The following ZFHX4 variants were observed in gnomAD, a reference collection of about 807,000 sequenced individuals.
ZFHX4 encodes zinc finger homeobox protein 4.
In ZFHX4, 56 loss-of-function variants were observed where a neutral mutation model predicts 267.6. That is an observed-to-expected ratio of 0.21 (90% CI 0.17 to 0.26). The LOEUF is 0.26. Among genes scored for constraint, ZFHX4 ranks in the 10% least tolerant of loss-of-function variants. The probability of loss-of-function intolerance (pLI) is 1.00; values close to 1 mark genes in which losing one functional copy is unlikely to be tolerated. For missense variants in ZFHX4, 4,332 were observed against 4,420.0 expected (o/e 0.98, Z 0.56); for synonymous variants, 1,778 against 1,665.6 (o/e 1.07, Z -1.64).
chr8:76,844,919 T>C (rs1812328241), intron 6 of ZFHX4, among the ~76,000 whole-genome samples: 1 of 152,156 alleles, frequency 6.6e-6, no homozygotes, highest in Admixed American at 6.6e-5. Context: ...TATTATTACA[T>C]GGATTTTCTC....
intron 4 of ZFHX4, among the ~76,000 whole-genome samples, chr8:76,807,010 T>C (rs2131837561): frequency 6.6e-6 from 1 of 152,250 alleles, no homozygotes; most frequent in South Asian, 2.1e-4. Context: ...ACAGGCATCC[T>C]TTGCCACTTG....
chr8:76,854,123 A>C lies in ZFHX4; in HGVS notation c.7202A>C (p.Lys2401Thr), dbSNP rs1199699763. Reference sequence around the variant, plus strand: ...CCATCACCCAAACCAGAACCTGAGAAGACTTCTCCAAAACCTGAATATCCC... The same window carrying C: ...CCATCACCCAAACCAGAACCTGAGACGACTTCTCCAAAACCTGAATATCCC... ...LIPSPKPEPE[K>T]TSPKPEYPAE... The change falls in exon 10 of 11, where the codon AAG becomes ACG. Residue 2401 changes from lysine (K) to threonine (T), a missense_variant. Coordinates refer to ENST00000651372, the MANE Select transcript of ZFHX4 (RefSeq NM_024721.5). The C allele has an allele frequency of 1.9e-6, 3 of 1,613,408 alleles. No individual in the cohort carries two copies. The highest frequency in any genetic ancestry group is 2.7e-5 in the African/African-American group (2 of 74,886).
intron 4 of ZFHX4, among the ~76,000 whole-genome samples, chr8:76,824,168 G>T (rs529513380): frequency 6.6e-6 from 1 of 152,188 alleles, no homozygotes; most frequent in African/African-American, 2.4e-5. Context: ...ATTTCCTATT[G>T]AACACTGCCT....
chr8:76,681,825 GC>G (rs990289112), intron 1 of ZFHX4, among the ~76,000 whole-genome samples: 1 of 151,740 alleles, frequency 6.6e-6, no homozygotes, highest in Non-Finnish European at 1.5e-5. Flanking sequence ...CTTCCGCTCT[GC>G]CCCCCTTTTC....
Position 76,742,920 on chromosome 8 carries a change from G to A in ZFHX4, c.3093+34872G>A, listed in dbSNP as rs16939348. On this transcript the variant is annotated intron_variant, in intron 3 of 10. Coordinates refer to ENST00000651372, the MANE Select transcript of ZFHX4 (RefSeq NM_024721.5). ...GCCACTTTTTATTTCCATTCTCTGT[G>A]TCCTATAATTCTTGTTAGATAATTT... Among the ~76,000 whole-genome samples the A allele has an allele frequency of 8.4e-3, 1,280 of 152,026 alleles. 38 individuals are homozygous for A. The highest frequency in any genetic ancestry group is 0.059 in the Admixed American group (901 of 15,274).
chr8:76,821,011 A>G (rs1327818834), intron 4 of ZFHX4, among the ~76,000 whole-genome samples: 1 of 152,046 alleles, frequency 6.6e-6, no homozygotes, highest in African/African-American at 2.4e-5. Context: ...CTACTCTGCC[A>G]ACTCTCCTCC....
intron 3 of ZFHX4, among the ~76,000 whole-genome samples, chr8:76,735,900 G>C (rs1809146599): frequency 6.6e-6 from 1 of 151,956 alleles, no homozygotes; most frequent in Non-Finnish European, 1.5e-5. Flanking sequence ...TGTAATTTTA[G>C]GGATTAGGAT....
intron 3 of ZFHX4, among the ~76,000 whole-genome samples, chr8:76,761,954 C>T (rs1809925212): frequency 6.6e-6 from 1 of 152,108 alleles, no homozygotes; most frequent in South Asian, 2.1e-4. Flanking sequence ...GTTGAATACT[C>T]TAAAAATTGA....
chr8:76,864,366 C>T lies in ZFHX4; in HGVS notation c.10652C>T (p.Pro3551Leu). The T allele has an allele frequency of 6.2e-7, 1 of 1,613,802 alleles. No homozygotes were observed. The highest frequency in any genetic ancestry group is 8.5e-7 in the Non-Finnish European group (1 of 1,179,860). Residue 3551 changes from proline to leucine, a missense_variant, in exon 11 of 11, where the codon CCT (proline) becomes CTT (leucine). By Grantham distance (98) the Pro-to-Leu change is moderately conservative. Around this residue, in one of 7 missense-constraint regions of ZFHX4, gnomAD observed 1,648 missense variants for 1,625.0 expected, o/e 1.01. Coordinates refer to ENST00000651372, the MANE Select transcript of ZFHX4 (RefSeq NM_024721.5). ...TCTTCTCCTCCTTCCCTTTCCTTGC[C>T]TTCAACGGTTACCTCAAGTTTGTGC... ...PPSSPPSLSLPSTVTSSLCST... is the reference protein window; with the variant it reads ...PPSSPPSLSLLSTVTSSLCST...
Position 76,855,491 on chromosome 8 carries a change from C to A in ZFHX4, c.8570C>A (p.Thr2857Lys). The change falls in exon 10 of 11, where the codon ACG becomes AAG. Residue 2857 changes from threonine to lysine, a missense_variant. Around this residue, in one of 7 missense-constraint regions of ZFHX4, gnomAD observed 1,648 missense variants for 1,625.0 expected, o/e 1.01. Coordinates refer to ENST00000651372, the MANE Select transcript of ZFHX4 (RefSeq NM_024721.5). ...CCAAAACCTGCAACCACACCTACCACGGAGGTCTGCGATGACAAATTTCTC... is the reference window on the plus strand; with the variant it reads ...CCAAAACCTGCAACCACACCTACCAAGGAGGTCTGCGATGACAAATTTCTC... ...TLPKPATTPT[T>K]EVCDDKFLFS... The A allele has an allele frequency of 6.2e-7, 1 of 1,613,840 alleles. No individual in the cohort carries two copies. Among genetic ancestry groups the A allele is most frequent in the Non-Finnish European group, 8.5e-7 (1 of 1,179,870 alleles).
chr8:76,849,218 A>AAATGTATGTAGACATTGCAATTGGC (rs1563556556), intron 7 of ZFHX4, 90 bp downstream of exon 7: 1 of 1,393,656 alleles, frequency 7.2e-7, no homozygotes, highest in Non-Finnish European at 9.6e-7. Context: ...CATGCTGTTG[A>AAATGTATGTAGACATTGCAATTGGC]AATGTATGTA....
At chr8:76,830,274 G>A (rs1316391404) in intron 4 of ZFHX4, among the ~76,000 whole-genome samples, 1 of 152,164 alleles carries the variant, frequency 6.6e-6, no homozygotes, top group Non-Finnish European at 1.5e-5. Context: ...TTTCAAATGT[G>A]TGATTATCAC....
intron 3 of ZFHX4, among the ~76,000 whole-genome samples, chr8:76,757,505 A>G (rs550246140): frequency 6.6e-6 from 1 of 152,280 alleles, no homozygotes; most frequent in African/African-American, 2.4e-5. Flanking sequence ...TTTAAGATGA[A>G]GTTGGGAGTG....
rs961753666 is a variant in ZFHX4, at chr8:76,856,172, T to C, written c.9251T>C (p.Met3084Thr). 2 of 1,613,872 alleles carry C rather than the reference T, an allele frequency of 1.2e-6. No homozygotes were observed. The highest frequency in any genetic ancestry group is 1.7e-5 in the Admixed American group (1 of 60,008). ...LGLTVQQPGM[M>T]DSSSLHGISL... is the part of the protein sequence containing the mutation. ...TTGACGGTACAGCAGCCAGGCATGA[T>C]GGACAGCAGTTCTCTCCACGGCATC... Residue 3084 changes from methionine (M) to threonine (T), a missense_variant, in exon 10 of 11, where the codon ATG becomes ACG. Met to Thr is a moderately conservative substitution (Grantham distance 81, BLOSUM62 -1). Coordinates refer to ENST00000651372, the MANE Select transcript of ZFHX4 (RefSeq NM_024721.5).
chr8:76,809,903 A>G (rs1192054791), intron 4 of ZFHX4, among the ~76,000 whole-genome samples: 1 of 152,228 alleles, frequency 6.6e-6, no homozygotes, highest in Non-Finnish European at 1.5e-5. Context: ...AAAGTAAAAA[A>G]TACAGCATAA....
At chr8:76,773,648 G>A (rs1186215364) in intron 3 of ZFHX4, among the ~76,000 whole-genome samples, 1 of 152,040 alleles carries the variant, frequency 6.6e-6, no homozygotes, top group Non-Finnish European at 1.5e-5. Context: ...CTGGAAGATG[G>A]ATTTCACTTT....
chr8:76,784,351 A>T (rs190685253), intron 4 of ZFHX4, among the ~76,000 whole-genome samples: 40 of 152,182 alleles, frequency 2.6e-4, no homozygotes, highest in African/African-American at 9.1e-4. Context: ...GTAAAAAAAA[A>T]GTTGATATGC....
chr8:76,864,441 A>G lies in ZFHX4; in HGVS notation c.10727A>G (p.Glu3576Gly). The G allele has an allele frequency of 6.2e-7, 1 of 1,613,738 alleles. No homozygotes were observed. Among genetic ancestry groups the G allele is most frequent in the South Asian group, 1.1e-5 (1 of 91,074 alleles). The change falls in exon 11 of 11, where the codon GAG becomes GGG. Residue 3576 changes from glutamate to glycine, a missense_variant. Physicochemically the swap from Glu to Gly is moderately conservative, Grantham distance 98. Coordinates refer to ENST00000651372, the MANE Select transcript of ZFHX4 (RefSeq NM_024721.5). ...CTACCCACAGAAAGTTGTTCAGATG[A>G]GTCTGACAGTGAGCTGAGCCAGAAG... ...TSLPTESCSD[E>G]SDSELSQKLE... is the part of the protein sequence containing the mutation.
chr8:76,857,493 C>T (rs950818709), intron 10 of ZFHX4, among the ~76,000 whole-genome samples: 1 of 151,852 alleles, frequency 6.6e-6, no homozygotes, highest in African/African-American at 2.4e-5. Context: ...AAAATTGCCA[C>T]TGTGATCTTA....
Sources: gnomAD v4.1 joint callset for allele counts (sites outside exome capture counted in the v4.1 genomes callset) on GRCh38, gnomAD v4.1.1 for gene constraint, gnomAD v4.1.1 regional missense constraint, MANE v1.5 for transcripts, NCBI Gene and HGNC (gene_info 2026-07-23, HGNC 2026-07-21) for gene names.